STXBP5L: variants seen among roughly 807,000 people sequenced by gnomAD.
STXBP5L encodes syntaxin-binding protein 5-like.
A neutral mutation model predicts 144.5 loss-of-function variants in STXBP5L; 65 were observed. The ratio of observed to expected loss-of-function variants is 0.45; its 90% CI spans 0.37 to 0.55. The LOEUF is 0.55. Ranked by LOEUF, STXBP5L falls within the 20% of genes least tolerant of loss-of-function variation. STXBP5L has a pLI of 0.00. For synonymous variants in STXBP5L, 505 were observed against 469.6 expected (o/e 1.08, Z -0.97); for missense variants, 1,298 against 1,405.5 (o/e 0.92, Z 1.22).
At chr3:121,125,993 A>G (rs539073214) in intron 7 of STXBP5L, among the ~76,000 whole-genome samples, 39 of 152,266 alleles carry the variant, frequency 2.6e-4, no homozygotes, top group Non-Finnish European at 4.7e-4. Flanking sequence ...TTGCAAGACC[A>G]TGCTACACCT....
intron 19 of STXBP5L, among the ~76,000 whole-genome samples, chr3:121,315,723 C>A (rs1185216606): frequency 2.0e-5 from 3 of 151,912 alleles, no homozygotes; most frequent in African/African-American, 7.3e-5. Context: ...TGGAAGGGGC[C>A]AGGCGTGATG....
intron 18 of STXBP5L, among the ~76,000 whole-genome samples, chr3:121,272,044 T>C (rs988702985): frequency 1.3e-5 from 2 of 152,244 alleles, no homozygotes; most frequent in Non-Finnish European, 2.9e-5. Flanking sequence ...TGGTCTAACA[T>C]GTTATCTGTT....
chr3:121,262,349 G>A (rs2050411264), intron 18 of STXBP5L, among the ~76,000 whole-genome samples: 2 of 152,176 alleles, frequency 1.3e-5, no homozygotes, highest in African/African-American at 4.8e-5. Flanking sequence ...TATCATCTGG[G>A]CTGGATGTAG....
intron 3 of STXBP5L, among the ~76,000 whole-genome samples, chr3:120,983,407 T>C (rs765593853): frequency 2.4e-4 from 37 of 152,096 alleles, no homozygotes; most frequent in African/African-American, 8.0e-4. Context: ...GTATCTGTTT[T>C]TGGGGCCTTG....
At chr3:121,304,356 A>G (rs575719871) in intron 19 of STXBP5L, among the ~76,000 whole-genome samples, 1 of 152,172 alleles carries the variant, frequency 6.6e-6, no homozygotes. Flanking sequence ...ATAAAAAACT[A>G]AAGCAACTCT....
chr3:121,407,693 T>A (rs781693048), intron 23 of STXBP5L, 90 bp downstream of exon 23: 1 of 1,492,390 alleles, frequency 6.7e-7, no homozygotes, highest in African/African-American at 1.4e-5. Flanking sequence ...GCAGATGTTA[T>A]CAAGAAGCAA....
intron 2 of STXBP5L, among the ~76,000 whole-genome samples, chr3:120,929,305 G>A (rs1236031157): frequency 1.3e-5 from 2 of 152,058 alleles, no homozygotes. Context: ...TGCTGCAGAG[G>A]TTGTAGGTTA....
At chr3:121,248,698 C>T (rs747842704) in intron 14 of STXBP5L, among the ~76,000 whole-genome samples, 4 of 152,054 alleles carry the variant, frequency 2.6e-5, no homozygotes, top group Non-Finnish European at 5.9e-5. Context: ...TTTTTGGGGG[C>T]TTGGCCATAA....
chr3:121,268,037 A>G (rs1439587489), intron 18 of STXBP5L, among the ~76,000 whole-genome samples: 2 of 152,188 alleles, frequency 1.3e-5, no homozygotes, highest in African/African-American at 4.8e-5. Flanking sequence ...ATATTATTTG[A>G]CCCAGCAATC....
intron 22 of STXBP5L, among the ~76,000 whole-genome samples, chr3:121,389,480 G>T (rs1423527867): frequency 6.6e-6 from 1 of 152,112 alleles, no homozygotes; most frequent in Non-Finnish European, 1.5e-5. Flanking sequence ...TGATGTTAGG[G>T]TGTCGATTTT....
chr3:121,257,019 T>C (rs1321711035), intron 16 of STXBP5L, 142 bp from the exon 17 acceptor site: 2 of 592,678 alleles, frequency 3.4e-6, no homozygotes, highest in Non-Finnish European at 2.8e-6. Context: ...AGTATTGAAC[T>C]TATTAATTTG....
At position 121,037,967 on chromosome 3, in the gene STXBP5L, T is replaced by A. The variant is rs144106366; in HGVS notation, c.288-3733T>A. Among the ~76,000 whole-genome samples the A allele has an allele frequency of 5.9e-5, 9 of 152,172 alleles. No homozygotes were observed. In the East Asian group the frequency reaches 1.7e-3, roughly 29 times the overall value. On this transcript the variant is annotated intron_variant, in intron 3 of 26. Coordinates refer to ENST00000471454, the MANE Select transcript of STXBP5L (RefSeq NM_001308330.2). ...TTTTTTAAATAATATTTGTTTGTTG[T>A]CTTTTTAATTTCTAAAGTTTTTATG...
In STXBP5L at chr3:121,090,398, G is replaced by T. The variant is rs531124014; in HGVS notation, c.471-24527G>T. Among the ~76,000 whole-genome samples, 6 of 152,176 alleles carry T rather than the reference G, an allele frequency of 3.9e-5. No homozygotes were observed. In the East Asian group the frequency reaches 7.7e-4, roughly 20 times the overall value. ...ACCCCTCTTACAAGGAAGAATAAGA[G>T]TACCTCCTTACTGCTCCTCAAATGG... On this transcript the variant is annotated intron_variant, in intron 5 of 26. Transcript: ENST00000471454.
chr3:121,017,730 A>G (rs769298638), intron 3 of STXBP5L, among the ~76,000 whole-genome samples: 14 of 152,196 alleles, frequency 9.2e-5, no homozygotes, highest in Non-Finnish European at 1.3e-4. Flanking sequence ...TACATGTAAG[A>G]TCTATATAAC....
intron 20 of STXBP5L, among the ~76,000 whole-genome samples, chr3:121,340,133 G>T (rs541160584): frequency 6.6e-6 from 1 of 151,972 alleles, no homozygotes; most frequent in Non-Finnish European, 1.5e-5. Flanking sequence ...TGGAGGCATC[G>T]CATTACCTGA....
At chr3:120,940,292 A>C (rs2107649553) in intron 2 of STXBP5L, among the ~76,000 whole-genome samples, 1 of 152,126 alleles carries the variant, frequency 6.6e-6, no homozygotes, top group South Asian at 2.1e-4. Context: ...GAAGAAAATA[A>C]AAGTTTCAGA....
chr3:121,082,156 C>A (rs754032997), intron 5 of STXBP5L, among the ~76,000 whole-genome samples: 2 of 152,064 alleles, frequency 1.3e-5, no homozygotes, highest in Admixed American at 6.6e-5. Flanking sequence ...AAAAAAAAAT[C>A]TTGCGATAAT....
intron 5 of STXBP5L, among the ~76,000 whole-genome samples, chr3:121,096,521 T>C (rs1485402601): frequency 1.3e-5 from 2 of 152,176 alleles, no homozygotes; most frequent in Non-Finnish European, 2.9e-5. Flanking sequence ...TGATTTTGGT[T>C]ACCTTCTGAT....
chr3:121,369,776 C>G (rs1029607286), intron 20 of STXBP5L, among the ~76,000 whole-genome samples: 3 of 152,232 alleles, frequency 2.0e-5, no homozygotes, highest in Middle Eastern at 3.4e-3. Flanking sequence ...AAAATAGTTT[C>G]ATTCATTTTG....
Sources: gnomAD v4.1 joint callset for allele counts (sites outside exome capture counted in the v4.1 genomes callset) on GRCh38, gnomAD v4.1.1 for gene constraint, MANE v1.5 for transcripts, NCBI Gene and HGNC (gene_info 2026-07-23, HGNC 2026-07-21) for gene names.